The following PAPSS1 variants were observed in gnomAD, a reference collection of about 807,000 sequenced individuals.
PAPSS1 encodes the protein 3'-phosphoadenosine 5'-phosphosulfate synthase 1, also known as bifunctional 3'-phosphoadenosine 5'-phosphosulfate synthase 1.
PAPSS1 carries 50 observed loss-of-function variants against 72.0 expected under a neutral mutation model. The ratio of observed to expected loss-of-function variants is 0.69; its 90% CI spans 0.55 to 0.88. PAPSS1 has a LOEUF of 0.88. Among genes scored for constraint, PAPSS1 ranks in the 40% least tolerant of loss-of-function variants. The pLI is 0.00. For synonymous variants in PAPSS1, 261 were observed against 263.6 expected (o/e 0.99, Z 0.09); for missense variants, 657 against 782.2 (o/e 0.84, Z 1.91).
At chr4:107,617,141 T>C (rs1443208856) in intron 11 of PAPSS1, among the ~76,000 whole-genome samples, 1 of 152,074 alleles carries the variant, frequency 6.6e-6, no homozygotes, top group Non-Finnish European at 1.5e-5. Context: ...TGGTTTCCTC[T>C]GTTTGATGTT....
chr4:107,617,849 G>A (rs916902056), intron 11 of PAPSS1, among the ~76,000 whole-genome samples: 8 of 152,112 alleles, frequency 5.3e-5, no homozygotes, highest in East Asian at 1.9e-4. Context: ...ATGTCAAGTC[G>A]ACCATGATAT....
At chr4:107,710,731 C>A (rs1166350023) in intron 1 of PAPSS1, among the ~76,000 whole-genome samples, 1 of 152,240 alleles carries the variant, frequency 6.6e-6, no homozygotes, top group Non-Finnish European at 1.5e-5. Flanking sequence ...TTAAATCTCT[C>A]TCTCTCTCTC....
At chr4:107,698,073 T>G (rs899417452) in intron 2 of PAPSS1, among the ~76,000 whole-genome samples, 2 of 152,174 alleles carry the variant, frequency 1.3e-5, no homozygotes, top group Non-Finnish European at 2.9e-5. Flanking sequence ...GAGAATAAAT[T>G]TCTTCCACCT....
At chr4:107,717,625 T>C (rs963962059) in intron 1 of PAPSS1, among the ~76,000 whole-genome samples, 144 of 152,250 alleles carry the variant, frequency 9.5e-4, no homozygotes, top group African/African-American at 3.2e-3. Flanking sequence ...ATATTCACCC[T>C]CAGAAATGTA....
At chr4:107,707,403 T>C (rs1723365114) in intron 1 of PAPSS1, among the ~76,000 whole-genome samples, 2 of 151,848 alleles carry the variant, frequency 1.3e-5, no homozygotes, top group African/African-American at 4.8e-5. Context: ...GTGGTGGAGG[T>C]TGGAGGAGCT....
At position 107,719,958 on chromosome 4, in the gene PAPSS1, A is replaced by G. The variant is rs918630632; in HGVS notation, c.60+162T>C. The G allele has an allele frequency of 3.2e-5, 45 of 1,404,630 alleles. No individual in the cohort carries two copies. The African/African-American group carries it at 6.7e-4, about 21-fold the overall frequency. The allele number at this position is 1,404,630 out of a possible 1,614,324, so 87.0% of individuals were successfully genotyped here. ...CTGCGCCGCGCCCCTCTGCCTCGCAACCACCCACGGCCCCAGCCGGGAGGC... is the reference window on the plus strand; with the variant it reads ...CTGCGCCGCGCCCCTCTGCCTCGCAGCCACCCACGGCCCCAGCCGGGAGGC... On this transcript the variant is annotated intron_variant, in intron 1 of 11. Transcript: ENST00000265174.
At chr4:107,690,999 T>G (rs1236145427) in intron 3 of PAPSS1, among the ~76,000 whole-genome samples, 1 of 152,156 alleles carries the variant, frequency 6.6e-6, no homozygotes. Context: ...GAACTCTAAC[T>G]CTTATTATGC....
chr4:107,659,916 A>C, intron 6 of PAPSS1, 43 bp downstream of exon 6: 1 of 1,067,030 alleles, frequency 9.4e-7, no homozygotes, highest in African/African-American at 1.6e-5. Context: ...ACTACTGTAT[A>C]TAAGGCTGTA....
At chr4:107,670,813 C>G (rs1727447466) in intron 5 of PAPSS1, among the ~76,000 whole-genome samples, 1 of 152,186 alleles carries the variant, frequency 6.6e-6, no homozygotes, top group Non-Finnish European at 1.5e-5. Flanking sequence ...GCTGGGATTA[C>G]AAGTGTGAAC....
In PAPSS1 at chr4:107,693,924, C is replaced by T. The variant is rs937599814; in HGVS notation, c.258G>A (p.Leu86=). Residue 86 remains leucine (L), a synonymous_variant, in exon 3 of 12, where the codon CTG becomes CTA. Coordinates refer to ENST00000265174, the MANE Select transcript of PAPSS1 (RefSeq NM_005443.5). ...LVCHGIPCYT[L]DGDNIRQGLN... is the part of the protein sequence containing the mutation. ...GACCTTGACGAATATTGTCACCATC[C>T]AGAGTGTAGCATGGAATACCATGAC... The T allele has an allele frequency of 1.9e-6, 3 of 1,613,710 alleles. No individual in the cohort carries two copies. The African/African-American group carries it at 4.0e-5, about 22-fold the overall frequency.
chr4:107,675,523 T>C (rs1319654226), intron 5 of PAPSS1, among the ~76,000 whole-genome samples: 1 of 152,194 alleles, frequency 6.6e-6, no homozygotes, highest in East Asian at 1.9e-4. Context: ...TAACAGGCTC[T>C]GAAATTGAGG....
At chr4:107,662,369 T>C (rs1037191030) in intron 5 of PAPSS1, among the ~76,000 whole-genome samples, 3 of 152,206 alleles carry the variant, frequency 2.0e-5, no homozygotes, top group Non-Finnish European at 4.4e-5. Flanking sequence ...AAGCTATCTA[T>C]TGTGTTTACT....
chr4:107,688,809 A>C (rs1437581892), intron 3 of PAPSS1, among the ~76,000 whole-genome samples: 2 of 152,130 alleles, frequency 1.3e-5, no homozygotes, highest in African/African-American at 2.4e-5. Context: ...CACATGTCCA[A>C]ATTCTTCCTA....
chr4:107,661,141 T>A (rs1299430306), intron 5 of PAPSS1, among the ~76,000 whole-genome samples: 2 of 152,046 alleles, frequency 1.3e-5, no homozygotes, highest in Non-Finnish European at 2.9e-5. Flanking sequence ...AAATTGCAAA[T>A]CAAAACAAGA....
chr4:107,632,410 C>T (rs1295548719), intron 10 of PAPSS1, among the ~76,000 whole-genome samples: 1 of 151,584 alleles, frequency 6.6e-6, no homozygotes, highest in Non-Finnish European at 1.5e-5. Flanking sequence ...AAAAAAAACC[C>T]TGTTGGATAA....
At position 107,701,260 on chromosome 4, in the gene PAPSS1, G is replaced by C. The variant is rs775913948; in HGVS notation, c.86C>G (p.Thr29Ser). The C allele has an allele frequency of 6.2e-7, 1 of 1,613,184 alleles. No individual in the cohort carries two copies. Among genetic ancestry groups the C allele is most frequent in the East Asian group, 2.2e-5 (1 of 44,862 alleles). The change falls in exon 2 of 12, where the codon ACC becomes AGC. Residue 29 changes from threonine to serine, a missense_variant. Thr to Ser is a moderately conservative substitution (Grantham distance 58, BLOSUM62 1). Transcript: ENST00000265174. ...NWGMQRATNV[T>S]YQAHHVSRNK... ...CCTGCTGACATGATGGGCTTGGTAG[G>C]TGACATTGGTTGCTCTCTGCATTCC...
intron 5 of PAPSS1, among the ~76,000 whole-genome samples, chr4:107,668,087 C>A (rs560396606): frequency 1.3e-5 from 2 of 152,070 alleles, no homozygotes; most frequent in Non-Finnish European, 2.9e-5. Context: ...ATTCATATTT[C>A]AGAAATAAAC....
chr4:107,670,666 G>A lies in PAPSS1; in HGVS notation c.670-10594C>T, dbSNP rs536070494. ...AGATCCTCGTGCCTCTGCCTCCTGA[G>A]TATCTGGGATGTGCCACCACACCTG... On this transcript the variant is annotated intron_variant, in intron 5 of 11. Coordinates refer to ENST00000265174, the MANE Select transcript of PAPSS1 (RefSeq NM_005443.5). Among the ~76,000 whole-genome samples, 8 of 152,236 alleles carry A rather than the reference G, an allele frequency of 5.3e-5. No homozygotes were observed. In the South Asian group the frequency reaches 1.5e-3, roughly 28 times the overall value.
chr4:107,631,657 C>T lies in PAPSS1; in HGVS notation c.1710G>A (p.Lys570=). The T allele has an allele frequency of 1.9e-6, 3 of 1,613,680 alleles. No homozygotes were observed. The highest frequency in any genetic ancestry group is 1.1e-5 in the South Asian group (1 of 91,068). ...GTTCAGAGTCATAGTAGTCCATACG[C>T]TTCTTTTTCTTGTTGTAAGCTGCAA... ...FRVAAYNKKK[K]RMDYYDSEHH... Residue 570 remains lysine (K), a synonymous_variant, in exon 11 of 12, where the codon AAG becomes AAA. Transcript: ENST00000265174.
Sources: allele counts gnomAD v4.1 joint callset (sites outside exome capture counted in the v4.1 genomes callset), GRCh38; gene constraint gnomAD v4.1.1; transcripts MANE v1.5; gene names NCBI Gene and HGNC (gene_info 2026-07-23, HGNC 2026-07-21).